The following PPP1R12A variants were observed in gnomAD, a reference collection of about 807,000 sequenced individuals.
The protein encoded by PPP1R12A is protein phosphatase 1 regulatory subunit 12A, also known as myosin binding subunit.
Under a neutral mutation model 139.6 loss-of-function variants are expected in PPP1R12A, and 19 were observed. The ratio of observed to expected loss-of-function variants is 0.14; its 90% CI spans 0.09 to 0.20. The LOEUF is 0.20. Among genes scored for constraint, PPP1R12A ranks in the 10% least tolerant of loss-of-function variants. The pLI, the probability that PPP1R12A is intolerant of heterozygous loss-of-function variation, is 1.00. For missense variants in PPP1R12A, 925 were observed against 1,211.5 expected, an observed-to-expected ratio of 0.76 and a Z score of 3.51; for synonymous variants, 427 against 420.6, an observed-to-expected ratio of 1.02 and a Z score of -0.19.
intron 2 of PPP1R12A, among the ~76,000 whole-genome samples, chr12:79,849,972 T>G (rs141501064): frequency 0.017 from 2,550 of 151,728 alleles, 34 homozygotes; most frequent in Non-Finnish European, 0.023. Flanking sequence ...TACAAGAACA[T>G]ACTACAACAC....
At position 79,927,348 on chromosome 12, in the gene PPP1R12A, T is replaced by C. The variant is rs77462900; in HGVS notation, c.237+7347A>G. Among the ~76,000 whole-genome samples the C allele has an allele frequency of 7.2e-3, 1,093 of 152,320 alleles. 15 individuals are homozygous for C. Among genetic ancestry groups the C allele is most frequent in the African/African-American group, 0.025 (1,039 of 41,566 alleles). On this transcript the variant is annotated intron_variant, in intron 1 of 24. Coordinates refer to ENST00000450142, the MANE Select transcript of PPP1R12A (RefSeq NM_002480.3). Reference sequence around the variant, plus strand: ...TGCTGCTGATATATTCTGCACATAATGGTAAGTCAAAAATAATCTTGGCAC... The same window carrying C: ...TGCTGCTGATATATTCTGCACATAACGGTAAGTCAAAAATAATCTTGGCAC...
chr12:79,897,274 C>T (rs1885215337), intron 1 of PPP1R12A, among the ~76,000 whole-genome samples: 1 of 152,128 alleles, frequency 6.6e-6, no homozygotes, highest in Non-Finnish European at 1.5e-5. Flanking sequence ...AGGCCATTAT[C>T]CTAATTGAAT....
chr12:79,925,506 A>G (rs1356444761), intron 1 of PPP1R12A, among the ~76,000 whole-genome samples: 1 of 152,238 alleles, frequency 6.6e-6, no homozygotes, highest in East Asian at 1.9e-4. Flanking sequence ...AAAGCTTTTT[A>G]TTAAGTGAAG....
Position 79,841,042 on chromosome 12 carries a change from CTTTTT to C in PPP1R12A, c.487+4255_487+4259del, listed in dbSNP as rs528257654. On this transcript the variant is annotated intron_variant, in intron 3 of 24. Transcript: ENST00000450142. Reference sequence around the variant, plus strand: ...CATATGCTATGTATGTCTCCAATTCCTTTTTATTTAAAAAAAAAAAAAAAAAAGAG... The same window carrying C: ...CATATGCTATGTATGTCTCCAATTCCATTTAAAAAAAAAAAAAAAAAAGAG... Among the ~76,000 whole-genome samples, 3 of 148,222 alleles carry C rather than the reference CTTTTT, an allele frequency of 2.0e-5. No individual in the cohort carries two copies. The South Asian group carries it at 6.3e-4, about 31-fold the overall frequency.
At chr12:79,935,422 G>C, upstream of PPP1R12A, 2 of 991,490 alleles carry the variant, frequency 2.0e-6, no homozygotes, top group African/African-American at 3.5e-5. Flanking sequence ...CCGGAGGCCA[G>C]CAGTGGAACC....
intron 1 of PPP1R12A, among the ~76,000 whole-genome samples, chr12:79,907,094 G>A (rs1886192347): frequency 1.3e-5 from 2 of 151,978 alleles, no homozygotes; most frequent in African/African-American, 4.8e-5. Context: ...TCACTCAAAA[G>A]GTCTCTTAGG....
intron 6 of PPP1R12A, among the ~76,000 whole-genome samples, chr12:79,821,614 A>G (rs577404029): frequency 3.3e-5 from 5 of 152,050 alleles, no homozygotes; most frequent in Non-Finnish European, 7.4e-5. Flanking sequence ...TTAGCCAGGC[A>G]TGGTGGCGTG....
chr12:79,857,367 A>G (rs1025018206), intron 2 of PPP1R12A, among the ~76,000 whole-genome samples: 1 of 147,344 alleles, frequency 6.8e-6, no homozygotes, highest in Non-Finnish European at 1.5e-5. Flanking sequence ...TCACTCATAG[A>G]TGGGAATTGA....
intron 1 of PPP1R12A, among the ~76,000 whole-genome samples, chr12:79,911,577 T>C (rs1442318390): frequency 6.6e-6 from 1 of 152,128 alleles, no homozygotes; most frequent in Admixed American, 6.5e-5. Context: ...AACCTGCTCA[T>C]GTACCCTGAA....
intron 2 of PPP1R12A, among the ~76,000 whole-genome samples, chr12:79,871,598 C>T (rs1882574012): frequency 6.6e-6 from 1 of 152,126 alleles, no homozygotes; most frequent in South Asian, 2.1e-4. Context: ...CAAGGTTATA[C>T]TCCTTGATAG....
intron 1 of PPP1R12A, among the ~76,000 whole-genome samples, chr12:79,902,728 C>T (rs1423014370): frequency 1.3e-5 from 2 of 152,126 alleles, no homozygotes; most frequent in South Asian, 2.1e-4. Context: ...GAGAAACCTA[C>T]ATTTTTATAT....
At chr12:79,916,171 ATAAACAACAAATGTACC>A (rs1337699604) in intron 1 of PPP1R12A, among the ~76,000 whole-genome samples, 12 of 152,128 alleles carry the variant, frequency 7.9e-5, no homozygotes, top group Admixed American at 2.0e-4. Flanking sequence ...AAATGTACCT[ATAAACAACAAATGTACC>A]TATAAACAAC....
At chr12:79,779,337 A>T in intron 23 of PPP1R12A, 1 of 1,288,998 alleles carries the variant, frequency 7.8e-7, no homozygotes, top group South Asian at 1.2e-5. Context: ...GAAGATACTG[A>T]CTCTTGCCGG....
At chr12:79,879,150 T>G (rs1592758763) in intron 1 of PPP1R12A, among the ~76,000 whole-genome samples, 2 of 152,144 alleles carry the variant, frequency 1.3e-5, no homozygotes, top group Admixed American at 6.5e-5. Flanking sequence ...GAGGCTGAGG[T>G]AGGCAGATCA....
intron 14 of PPP1R12A, among the ~76,000 whole-genome samples, chr12:79,799,263 C>T (rs1372741961): frequency 6.6e-6 from 1 of 152,112 alleles, no homozygotes; most frequent in East Asian, 1.9e-4. Flanking sequence ...ATTCTCTCAC[C>T]TCAGCCTCCT....
chr12:79,933,695 T>C lies in PPP1R12A; in HGVS notation c.237+1000A>G, dbSNP rs561136055. Among the ~76,000 whole-genome samples the C allele has an allele frequency of 3.0e-3, 456 of 152,372 alleles. 4 individuals are homozygous for C. The highest frequency in any genetic ancestry group is 4.6e-3 in the Non-Finnish European group (311 of 68,034). On this transcript the variant is annotated intron_variant, in intron 1 of 24. Coordinates refer to ENST00000450142, the MANE Select transcript of PPP1R12A (RefSeq NM_002480.3). Reference sequence around the variant, plus strand: ...GCATAACTCTACGTGGTTGTGTTGCTTTTGGCCTGTTAAAGGCAAGGCAAC... The same window carrying C: ...GCATAACTCTACGTGGTTGTGTTGCCTTTGGCCTGTTAAAGGCAAGGCAAC...
At chr12:79,799,835 C>T (rs1872891536) in intron 14 of PPP1R12A, among the ~76,000 whole-genome samples, 1 of 151,816 alleles carries the variant, frequency 6.6e-6, no homozygotes, top group Admixed American at 6.6e-5. Context: ...CATGAGGAAA[C>T]CTGTCGCTAC....
Position 79,828,592 on chromosome 12 carries a change from C to T in PPP1R12A, c.648-128G>A. The stretch of plus-strand genomic sequence containing the variant: ...TTCTTTTCAGAATTTACATCCTTCC[C>T]CCTCAATGAATTAACTATGGCAAAT... On this transcript the variant is annotated intron_variant, in intron 4 of 24. Transcript: ENST00000450142. 4 of 753,360 alleles carry T rather than the reference C, an allele frequency of 5.3e-6. 1 individual carries two copies. In the South Asian group the frequency reaches 7.5e-5, roughly 14 times the overall value. The allele number at this position is 753,360 out of a possible 1,614,324, so 46.7% of individuals were successfully genotyped here.
intron 2 of PPP1R12A, 148 bp from the exon 3 acceptor site, chr12:79,845,568 G>C: frequency 1.7e-6 from 1 of 594,026 alleles, no homozygotes. Flanking sequence ...ATCAGGCCAG[G>C]CGCAGTGGCT....
Sources: gnomAD v4.1 joint callset for allele counts (sites outside exome capture counted in the v4.1 genomes callset) on GRCh38, gnomAD v4.1.1 for gene constraint, MANE v1.5 for transcripts, NCBI Gene and HGNC (gene_info 2026-07-23, HGNC 2026-07-21) for gene names.